Variants in LUC7L observed in about 807,000 individuals in gnomAD.
LUC7L encodes LUC7 like.
In LUC7L, 29 loss-of-function variants were observed where a neutral mutation model predicts 51.1. The ratio of observed to expected loss-of-function variants is 0.57; its 90% CI spans 0.42 to 0.77. The LOEUF (loss-of-function observed/expected upper bound fraction) is 0.77, where lower values mean the gene tolerates loss of function less well. Ranked by LOEUF, LUC7L falls within the 30% of genes least tolerant of loss-of-function variation. The pLI, the probability that LUC7L is intolerant of heterozygous loss-of-function variation, is 0.00. For synonymous variants in LUC7L, 181 were observed against 180.7 expected (o/e 1.00, Z -0.01); for missense variants, 403 against 511.9 (o/e 0.79, Z 2.05).
At chr16:194,389 G>C (rs2049096581) in intron 6 of LUC7L, among the ~76,000 whole-genome samples, 1 of 152,186 alleles carries the variant, frequency 6.6e-6, no homozygotes, top group African/African-American at 2.4e-5. Flanking sequence ...TTACAGGCCT[G>C]AACCACCCAG....
At chr16:216,411 C>T (rs1318629004) in intron 3 of LUC7L, among the ~76,000 whole-genome samples, 1 of 124,474 alleles carries the variant, frequency 8.0e-6, no homozygotes, top group Non-Finnish European at 1.6e-5. Context: ...GAGACGGAGT[C>T]TCGCTCGGTT....
intron 3 of LUC7L, among the ~76,000 whole-genome samples, chr16:213,561 G>A (rs2049703770): frequency 6.6e-6 from 1 of 151,922 alleles, no homozygotes; most frequent in African/African-American, 2.4e-5. Context: ...CACAACACCT[G>A]GCTAATTTTA....
intron 3 of LUC7L, 146 bp downstream of exon 3, chr16:220,503 T>C: frequency 1.5e-6 from 1 of 661,982 alleles, no homozygotes; most frequent in Non-Finnish European, 2.7e-6. Flanking sequence ...CAGTACTGGC[T>C]GTATTCTAGC....
intron 5 of LUC7L, among the ~76,000 whole-genome samples, chr16:202,438 C>A (rs1393187156): frequency 1.3e-5 from 2 of 152,066 alleles, no homozygotes; most frequent in African/African-American, 4.8e-5. Flanking sequence ...ACATCCAAAC[C>A]GTATCAAGTG....
intron 3 of LUC7L, among the ~76,000 whole-genome samples, chr16:218,092 C>G (rs542453003): frequency 1.3e-5 from 2 of 151,088 alleles, no homozygotes; most frequent in Non-Finnish European, 2.9e-5. Flanking sequence ...ACTCAGGAGG[C>G]TGAGGTAGGA....
intron 1 of LUC7L, chr16:228,145 CTG>C: frequency 3.5e-6 from 4 of 1,143,628 alleles, no homozygotes; most frequent in Non-Finnish European, 4.4e-6. Flanking sequence ...TAAAGCTAGT[CTG>C]TGTATACAAC....
chr16:190,287 C>T, intron 8 of LUC7L, 152 bp from the exon 9 acceptor site: 1 of 783,500 alleles, frequency 1.3e-6, no homozygotes, highest in South Asian at 1.8e-5. Context: ...AGTTAATCTC[C>T]AATGGCTAGG....
intron 6 of LUC7L, among the ~76,000 whole-genome samples, chr16:198,002 C>A (rs2049203789): frequency 1.3e-5 from 2 of 152,256 alleles, no homozygotes; most frequent in Non-Finnish European, 2.9e-5. Flanking sequence ...GGTGCGGTGG[C>A]TCACGCCTGT....
rs201069802 is a variant in LUC7L at position 189,785 on chromosome 16, G to A, written c.974+183C>T. On this transcript the variant is annotated intron_variant, in intron 9 of 9. Transcript: ENST00000293872. ...CCTGTGCAGCCCATCACCTGGCGCCGTGCGAGCTCCTCCACAGCCCTCTCG... is the reference window on the plus strand; with the variant it reads ...CCTGTGCAGCCCATCACCTGGCGCCATGCGAGCTCCTCCACAGCCCTCTCG... 3.4e-5 allele frequency: 48 copies of A among 1,419,204 alleles called. No homozygotes were observed. The East Asian group carries it at 5.8e-4, about 17-fold the overall frequency. The allele number at this position is 1,419,204 out of a possible 1,614,324, so 87.9% of individuals were successfully genotyped here.
intron 3 of LUC7L, among the ~76,000 whole-genome samples, chr16:215,109 C>T (rs1158878218): frequency 1.3e-5 from 2 of 152,050 alleles, no homozygotes; most frequent in South Asian, 2.1e-4. Flanking sequence ...AAATAAGTTA[C>T]GATAAACATC....
At chr16:204,569 G>C (rs1261461250) in intron 5 of LUC7L, among the ~76,000 whole-genome samples, 1 of 151,568 alleles carries the variant, frequency 6.6e-6, no homozygotes, top group East Asian at 1.9e-4. Context: ...ACTCCAGCCT[G>C]GGGGACAGAG....
In LUC7L at chr16:226,746, T is replaced by C. The variant is rs185263524; in HGVS notation, c.156+496A>G. Among the ~76,000 whole-genome samples the C allele has an allele frequency of 9.2e-5, 14 of 152,354 alleles. No homozygotes were observed. In the East Asian group the frequency reaches 2.3e-3, roughly 25 times the overall value. On this transcript the variant is annotated intron_variant, in intron 2 of 9. Coordinates refer to ENST00000293872, the MANE Select transcript of LUC7L (RefSeq NM_201412.3). The stretch of plus-strand genomic sequence containing the variant: ...ATTTTTTGCTACAGCCAAATTAGAA[T>C]ACTTGCCCTATTTAGTTGTGAATAT...
chr16:199,627 C>T (rs1352354469), intron 5 of LUC7L, among the ~76,000 whole-genome samples: 3 of 151,866 alleles, frequency 2.0e-5, no homozygotes, highest in Non-Finnish European at 2.9e-5. Flanking sequence ...CAAAAGTAGC[C>T]GGGTGTGGTG....
intron 2 of LUC7L, among the ~76,000 whole-genome samples, chr16:222,303 G>A (rs534429284): frequency 1.5e-5 from 2 of 135,574 alleles, no homozygotes; most frequent in African/African-American, 5.6e-5. Context: ...CCCCCAGTAG[G>A]ACAAAAGAAC....
At chr16:213,598 T>TCTATATG (rs2049704800) in intron 3 of LUC7L, among the ~76,000 whole-genome samples, 1 of 151,984 alleles carries the variant, frequency 6.6e-6, no homozygotes, top group South Asian at 2.1e-4. Context: ...AGAGACAGGT[T>TCTATATG]ATCACCATGT....
chr16:190,387 C>A (rs573208571), intron 8 of LUC7L, among the ~76,000 whole-genome samples, 154 bp downstream of exon 8: 1 of 152,094 alleles, frequency 6.6e-6, no homozygotes, highest in Non-Finnish European at 1.5e-5. Context: ...ACACTGGGAA[C>A]CCTCCACGGC....
At chr16:204,576 A>T (rs1396376622) in intron 5 of LUC7L, among the ~76,000 whole-genome samples, 1 of 151,826 alleles carries the variant, frequency 6.6e-6, no homozygotes, top group Non-Finnish European at 1.5e-5. Flanking sequence ...CCTGGGGGAC[A>T]GAGCGAGACT....
chr16:228,932 C>G (rs2050195645), intron 1 of LUC7L: 2 of 1,384,676 alleles, frequency 1.4e-6, no homozygotes, highest in Non-Finnish European at 1.9e-6. Flanking sequence ...TGCCAGCGAC[C>G]TGGAGCCCAC....
At chr16:208,250 C>A in intron 3 of LUC7L, 62 bp from the exon 4 acceptor site, 1 of 1,244,046 alleles carries the variant, frequency 8.0e-7, no homozygotes, top group South Asian at 1.3e-5. Flanking sequence ...TCTTAGAACC[C>A]ATTTGCTTGA....
Sources: gnomAD v4.1 joint callset for allele counts (sites outside exome capture counted in the v4.1 genomes callset) on GRCh38, gnomAD v4.1.1 for gene constraint, MANE v1.5 for transcripts, NCBI Gene and HGNC (gene_info 2026-07-23, HGNC 2026-07-21) for gene names.